Variants in RCL1 observed in about 807,000 individuals in gnomAD.
RCL1 encodes RNA 3'-terminal phosphate cyclase-like protein.
RCL1 carries 24 observed loss-of-function variants against 42.4 expected under a neutral mutation model. The observed-to-expected ratio is 0.57, with a 90% confidence interval of 0.41 to 0.80. The LOEUF is 0.80. Among genes scored for constraint, RCL1 ranks in the 30% least tolerant of loss-of-function variants. The pLI, the probability that RCL1 is intolerant of heterozygous loss-of-function variation, is 0.00. For missense variants in RCL1, 578 were observed against 467.9 expected (o/e 1.24, Z -2.17); for synonymous variants, 228 against 177.3 (o/e 1.29, Z -2.27).
At chr9:4,818,576 T>C (rs1466350374) in intron 1 of RCL1, among the ~76,000 whole-genome samples, 1 of 152,118 alleles carries the variant, frequency 6.6e-6, no homozygotes, top group Non-Finnish European at 1.5e-5. Context: ...TGTCTTCTGG[T>C]TATTCGCTAA....
At chr9:4,808,133 A>G (rs1816045380) in intron 1 of RCL1, among the ~76,000 whole-genome samples, 1 of 151,914 alleles carries the variant, frequency 6.6e-6, no homozygotes, top group South Asian at 2.1e-4. Flanking sequence ...TCTATTGATT[A>G]TTGAGAGAGG....
intron 1 of RCL1, among the ~76,000 whole-genome samples, chr9:4,808,531 T>A (rs7850143): frequency 0.31 from 47,449 of 151,964 alleles, 7,686 homozygotes; most frequent in South Asian, 0.41. Context: ...TGGTCTCGGA[T>A]CTCCTGAGCT....
intron 1 of RCL1, among the ~76,000 whole-genome samples, chr9:4,811,223 A>C (rs1816161037): frequency 6.6e-6 from 1 of 151,596 alleles, no homozygotes; most frequent in Non-Finnish European, 1.5e-5. Flanking sequence ...TGGAGGTTGC[A>C]GTGAGTCATG....
At chr9:4,850,633 G>A (rs754510165) in intron 8 of RCL1, among the ~76,000 whole-genome samples, 6 of 151,932 alleles carry the variant, frequency 3.9e-5, no homozygotes, top group Non-Finnish European at 7.4e-5. Flanking sequence ...GATAGCTTGT[G>A]TAAAAGTATT....
intron 2 of RCL1, among the ~76,000 whole-genome samples, chr9:4,826,042 C>T (rs888071967): frequency 6.8e-6 from 1 of 147,780 alleles, no homozygotes; most frequent in East Asian, 2.0e-4. Context: ...CTATCCTGGA[C>T]AACATAGTGA....
chr9:4,793,172 G>T lies in RCL1; in HGVS notation c.81G>T (p.Gly27=), dbSNP rs1407657363. The change falls in exon 1 of 9, where the codon GGG becomes GGT. Residue 27 remains glycine (G), a synonymous_variant. Coordinates refer to ENST00000381750, the MANE Select transcript of RCL1 (RefSeq NM_005772.5). ...GTCTGGTCCTGTCTACCCTGAGCGG[G>T]CGCCCCGTCAAAATCCGAAAGATTC... is the stretch of plus-strand genomic sequence containing the variant. ...RQRLVLSTLS[G]RPVKIRKIRA... 6.2e-7 allele frequency: 1 copy of T among 1,611,430 alleles called. No homozygotes were observed. Among genetic ancestry groups the T allele is most frequent in the Admixed American group, 1.7e-5 (1 of 59,740 alleles).
chr9:4,859,949 C>T (rs1401493560), intron 8 of RCL1, among the ~76,000 whole-genome samples, 176 bp from the exon 9 acceptor site: 1 of 152,084 alleles, frequency 6.6e-6, no homozygotes, highest in Non-Finnish European at 1.5e-5. Context: ...CTATCTAAAT[C>T]TTCTTTGGAA....
At chr9:4,847,381 T>C (rs1022470912) in intron 7 of RCL1, among the ~76,000 whole-genome samples, 2 of 152,172 alleles carry the variant, frequency 1.3e-5, no homozygotes, top group Non-Finnish European at 2.9e-5. Flanking sequence ...TGGTAAAAAA[T>C]CCATCCCTTT....
At chr9:4,839,365 A>G (rs542012132) in intron 5 of RCL1, among the ~76,000 whole-genome samples, 69 of 152,264 alleles carry the variant, frequency 4.5e-4, no homozygotes, top group African/African-American at 1.6e-3. Context: ...GTTGTCTTTA[A>G]TGTAAGTCCT....
chr9:4,839,272 T>C (rs776821596), intron 5 of RCL1, among the ~76,000 whole-genome samples: 1 of 152,190 alleles, frequency 6.6e-6, no homozygotes, highest in African/African-American at 2.4e-5. Context: ...TGTTTTTGTA[T>C]TGGGATGGGT....
intron 5 of RCL1, among the ~76,000 whole-genome samples, chr9:4,835,279 A>G (rs1291524371): frequency 6.6e-6 from 1 of 152,246 alleles, no homozygotes; most frequent in Admixed American, 6.5e-5. Flanking sequence ...AGAGTTAAGT[A>G]AGGAGGGAAG....
rs774551780 is a variant in RCL1 at position 4,824,898 on chromosome 9, C to T, written c.208+1279C>T. On this transcript the variant is annotated intron_variant, in intron 2 of 8. Coordinates refer to ENST00000381750, the MANE Select transcript of RCL1 (RefSeq NM_005772.5). ...TAACTTTCATTGGTGATCCAGAAGACGGATAATTCTATTCTTTTTTTGTGT... is the reference window on the plus strand; with the variant it reads ...TAACTTTCATTGGTGATCCAGAAGATGGATAATTCTATTCTTTTTTTGTGT... Among the ~76,000 whole-genome samples, 22 of 152,106 alleles carry T rather than the reference C, an allele frequency of 1.4e-4. 1 individual carries two copies. The highest frequency in any genetic ancestry group is 1.0e-3 in the Admixed American group (16 of 15,262).
At chr9:4,806,227 A>C (rs1815956110) in intron 1 of RCL1, among the ~76,000 whole-genome samples, 1 of 151,408 alleles carries the variant, frequency 6.6e-6, no homozygotes, top group Non-Finnish European at 1.5e-5. Flanking sequence ...TACGCCTTTT[A>C]TTTCCTTCTG....
chr9:4,857,341 G>C (rs1817995437), intron 8 of RCL1, among the ~76,000 whole-genome samples: 1 of 151,912 alleles, frequency 6.6e-6, no homozygotes, highest in African/African-American at 2.4e-5. Flanking sequence ...TTTTCATATT[G>C]TGTAGATAGA....
At chr9:4,812,096 A>T (rs922185058) in intron 1 of RCL1, among the ~76,000 whole-genome samples, 2 of 152,104 alleles carry the variant, frequency 1.3e-5, no homozygotes, top group Non-Finnish European at 1.5e-5. Context: ...CTGGTTATTA[A>T]TCCCTTGTTG....
intron 1 of RCL1, among the ~76,000 whole-genome samples, chr9:4,799,127 T>G (rs1842959455): frequency 7.1e-6 from 1 of 141,754 alleles, no homozygotes. Flanking sequence ...CCTCCCTTCC[T>G]TCCTCTCTTT....
chr9:4,801,144 A>G (rs777513044), intron 1 of RCL1, among the ~76,000 whole-genome samples: 1 of 152,068 alleles, frequency 6.6e-6, no homozygotes, highest in Non-Finnish European at 1.5e-5. Context: ...TCTTTTGTCC[A>G]TTTCTAATAG....
chr9:4,817,574 A>G (rs900709410), intron 1 of RCL1, among the ~76,000 whole-genome samples: 6 of 151,756 alleles, frequency 4.0e-5, no homozygotes, highest in African/African-American at 9.7e-5. Context: ...CTTGGGCTCA[A>G]GGGATCCTCC....
intron 1 of RCL1, among the ~76,000 whole-genome samples, chr9:4,813,478 C>G (rs367836693): frequency 3.9e-5 from 6 of 152,144 alleles, no homozygotes; most frequent in Admixed American, 1.3e-4. Context: ...CAAATCAAAA[C>G]CACAGTGAGA....
Sources: gnomAD v4.1 joint callset for allele counts (sites outside exome capture counted in the v4.1 genomes callset) on GRCh38, gnomAD v4.1.1 for gene constraint, MANE v1.5 for transcripts, NCBI Gene and HGNC (gene_info 2026-07-23, HGNC 2026-07-21) for gene names.